Variants in SGCZ observed in about 807,000 individuals in gnomAD.
The protein encoded by SGCZ is zeta-sarcoglycan.
SGCZ carries 40 observed loss-of-function variants against 41.3 expected under a neutral mutation model. That is an observed-to-expected ratio of 0.97 (90% CI 0.75 to 1.26). The LOEUF (loss-of-function observed/expected upper bound fraction) is 1.26. Among genes scored for constraint, SGCZ ranks in the 50% most tolerant of loss-of-function variants. The pLI is 0.00. For missense variants in SGCZ, 552 were observed against 369.8 expected (o/e 1.49, Z -4.04); for synonymous variants, 206 against 137.5 (o/e 1.50, Z -3.49).
chr8:14,606,609 C>T (rs1208505344), intron 1 of SGCZ, among the ~76,000 whole-genome samples: 1 of 152,172 alleles, frequency 6.6e-6, no homozygotes, highest in Non-Finnish European at 1.5e-5. Flanking sequence ...TTTGTCATAT[C>T]ATTCTTTGAG....
intron 1 of SGCZ, among the ~76,000 whole-genome samples, chr8:14,687,364 T>C (rs2117559288): frequency 7.2e-6 from 1 of 138,126 alleles, no homozygotes; most frequent in South Asian, 2.6e-4. Flanking sequence ...CCCACAACAG[T>C]TCCCAGAGTG....
chr8:14,676,615 A>G (rs1808286368), intron 1 of SGCZ, among the ~76,000 whole-genome samples: 1 of 152,202 alleles, frequency 6.6e-6, no homozygotes, highest in South Asian at 2.1e-4. Context: ...CCTACTGCAC[A>G]ATAATATAAA....
intron 2 of SGCZ, among the ~76,000 whole-genome samples, chr8:14,548,466 A>C (rs891968056): frequency 2.6e-5 from 4 of 152,132 alleles, no homozygotes; most frequent in Non-Finnish European, 5.9e-5. Context: ...AAACATCCTG[A>C]TTTAGTTGTG....
chr8:15,093,101 G>C (rs17655455), intron 1 of SGCZ, among the ~76,000 whole-genome samples: 8,515 of 152,110 alleles, frequency 0.056, 441 homozygotes, highest in East Asian at 0.27. Flanking sequence ...CTCCTTAGTA[G>C]TCCATCAGCT....
chr8:15,145,675 A>C (rs535352), intron 1 of SGCZ, among the ~76,000 whole-genome samples: 34 of 152,136 alleles, frequency 2.2e-4, no homozygotes, highest in African/African-American at 8.0e-4. Flanking sequence ...GGCTGGTCTC[A>C]AACTCCTAGG....
chr8:14,656,257 T>C (rs989868431), intron 1 of SGCZ, among the ~76,000 whole-genome samples: 1 of 152,072 alleles, frequency 6.6e-6, no homozygotes, highest in Non-Finnish European at 1.5e-5. Context: ...CAGAATTATA[T>C]ATGTTGATTG....
At chr8:14,951,806 A>C (rs1257971903) in intron 1 of SGCZ, among the ~76,000 whole-genome samples, 1 of 152,112 alleles carries the variant, frequency 6.6e-6, no homozygotes. Flanking sequence ...CATATTATTA[A>C]ACCCATAAAT....
At chr8:14,257,745 T>C (rs1352410255) in intron 3 of SGCZ, among the ~76,000 whole-genome samples, 1 of 151,982 alleles carries the variant, frequency 6.6e-6, no homozygotes, top group Non-Finnish European at 1.5e-5. Flanking sequence ...TGGTTTTTTG[T>C]CCTTGCGATA....
intron 1 of SGCZ, among the ~76,000 whole-genome samples, chr8:14,621,771 C>T (rs1351503192): frequency 1.3e-5 from 2 of 152,066 alleles, no homozygotes; most frequent in Non-Finnish European, 2.9e-5. Context: ...ATCCCATCAC[C>T]TCCCACCAGT....
intron 1 of SGCZ, among the ~76,000 whole-genome samples, chr8:14,912,836 T>C (rs1396104265): frequency 6.6e-6 from 1 of 152,098 alleles, no homozygotes; most frequent in Non-Finnish European, 1.5e-5. Flanking sequence ...CATCTTTCTA[T>C]CTTTTGGAAG....
chr8:14,284,632 T>A (rs966169761), intron 3 of SGCZ, among the ~76,000 whole-genome samples: 2 of 152,232 alleles, frequency 1.3e-5, no homozygotes. Flanking sequence ...TTGTTAAGTT[T>A]AAGCCTGTCT....
chr8:14,883,803 A>G (rs1476042878), intron 1 of SGCZ, among the ~76,000 whole-genome samples: 1 of 128,628 alleles, frequency 7.8e-6, no homozygotes, highest in Admixed American at 8.2e-5. Context: ...TTTTTCCAAT[A>G]GTACCCTTCT....
At chr8:14,628,239 C>A (rs1806527605) in intron 1 of SGCZ, among the ~76,000 whole-genome samples, 1 of 152,034 alleles carries the variant, frequency 6.6e-6, no homozygotes, top group Admixed American at 6.6e-5. Context: ...CCATCTTGAT[C>A]ATGAAAAAGC....
intron 5 of SGCZ, among the ~76,000 whole-genome samples, chr8:14,138,305 G>C (rs1000641022): frequency 6.6e-6 from 1 of 152,154 alleles, no homozygotes; most frequent in African/African-American, 2.4e-5. Context: ...ACATTATAAT[G>C]ACAGGATCAA....
intron 1 of SGCZ, among the ~76,000 whole-genome samples, chr8:14,982,352 C>T (rs559689944): frequency 6.6e-6 from 1 of 152,088 alleles, no homozygotes; most frequent in African/African-American, 2.4e-5. Flanking sequence ...CTTTATGATT[C>T]GTTCGTTGTG....
intron 1 of SGCZ, among the ~76,000 whole-genome samples, chr8:14,557,889 GAAAAGATAAAT>G (rs1804081669): frequency 6.6e-6 from 1 of 152,012 alleles, no homozygotes; most frequent in African/African-American, 2.4e-5. Context: ...CTGGTTCTTT[GAAAAGATAAAT>G]AAAATTGATA....
intron 1 of SGCZ, among the ~76,000 whole-genome samples, chr8:14,606,608 T>A (rs1355054061): frequency 6.6e-6 from 1 of 152,190 alleles, no homozygotes; most frequent in Non-Finnish European, 1.5e-5. Context: ...ATTTGTCATA[T>A]CATTCTTTGA....
At chr8:14,779,367 G>C (rs1408568943) in intron 1 of SGCZ, among the ~76,000 whole-genome samples, 1 of 152,088 alleles carries the variant, frequency 6.6e-6, no homozygotes, top group African/African-American at 2.4e-5. Flanking sequence ...CAATTTTCCA[G>C]CACTAATTTA....
At chr8:14,554,519 C>G (rs1803970650) in intron 2 of SGCZ, among the ~76,000 whole-genome samples, 1 of 151,928 alleles carries the variant, frequency 6.6e-6, no homozygotes, top group Admixed American at 6.6e-5. Context: ...ATCTAAATTT[C>G]CCACACTTAA....
Sources: allele counts gnomAD v4.1 joint callset (sites outside exome capture counted in the v4.1 genomes callset), GRCh38; gene constraint gnomAD v4.1.1; transcripts MANE v1.5; gene names NCBI Gene and HGNC (gene_info 2026-07-23, HGNC 2026-07-21).